Variants in WDR18 observed in about 807,000 individuals in gnomAD.
WDR18 encodes the protein WD repeat domain 18, also known as WD repeat-containing protein 18.
WDR18 carries 33 observed loss-of-function variants against 49.6 expected under a neutral mutation model. The observed-to-expected ratio is 0.67, with a 90% CI of 0.50 to 0.89. WDR18 has a LOEUF of 0.89. Among genes scored for constraint, WDR18 ranks in the 40% least tolerant of loss-of-function variants. The pLI is 0.00. For missense variants in WDR18, 653 were observed against 593.6 expected (o/e 1.10, Z -1.04); for synonymous variants, 315 against 263.6 (o/e 1.19, Z -1.89).
At chr19:989,703 C>A in intron 2 of WDR18, 59 bp from the exon 3 acceptor site, 3 of 1,600,420 alleles carry the variant, frequency 1.9e-6, no homozygotes, top group Admixed American at 1.7e-5. Flanking sequence ...GGGCTGCAGC[C>A]CCCCTTTCCT....
intron 4 of WDR18, 67 bp from the exon 5 acceptor site, chr19:990,785 C>A (rs1194052721): frequency 2.0e-6 from 3 of 1,527,844 alleles, no homozygotes; most frequent in Admixed American, 4.1e-5. Context: ...CCCTGGTGCC[C>A]CTGTTCCCAT....
intron 7 of WDR18, 53 bp downstream of exon 7, chr19:991,404 A>G: frequency 8.7e-7 from 1 of 1,153,820 alleles, no homozygotes; most frequent in Non-Finnish European, 1.1e-6. Context: ...AAAAGCCAGC[A>G]GGAGCTCCGG....
intron 4 of WDR18, 30 bp from the exon 5 acceptor site, chr19:990,822 C>A: frequency 6.4e-7 from 1 of 1,568,556 alleles, no homozygotes. Context: ...CCCTGCCGGG[C>A]CGAGCCCCAC....
At position 994,446 on chromosome 19, in the gene WDR18, C is replaced by G. The variant is rs2038605867; in HGVS notation, c.*102C>G. 4 of 1,469,110 alleles carry G rather than the reference C, an allele frequency of 2.7e-6. No homozygotes were observed. The East Asian group carries it at 1.0e-4, about 37-fold the overall frequency. The allele number at this position is 1,469,110 out of a possible 1,614,324, so 91.0% of individuals were successfully genotyped here. A position where few individuals can be genotyped will look rare whatever the true frequency, so the allele number is the denominator to read the frequency against. On this transcript the variant is annotated 3_prime_UTR_variant, in exon 10 of 10. Coordinates refer to ENST00000585809, the MANE Select transcript of WDR18 (RefSeq NM_024100.4). ...CCCACCAGCCCAGGCCTGGACTCTC[C>G]TCAGTTCTGTGTCGTGTTCGGGTTT...
At position 989,941 on chromosome 19, in the gene WDR18, C is replaced by T. The variant is rs143785092; in HGVS notation, c.455+46C>T. On this transcript the variant is annotated intron_variant, in intron 3 of 9. Coordinates refer to ENST00000585809, the MANE Select transcript of WDR18 (RefSeq NM_024100.4). ...GCCTGCACCTGGAACTGCACCCGGGCTCAGGCGGGGAGAGGAGGCGCCAAG... is the reference window on the plus strand; with the variant it reads ...GCCTGCACCTGGAACTGCACCCGGGTTCAGGCGGGGAGAGGAGGCGCCAAG... The T allele has an allele frequency of 4.8e-4, 740 of 1,551,754 alleles. 4 individuals are homozygous for T. The Middle Eastern group carries it at 7.4e-3, about 15-fold the overall frequency.
At chr19:983,285 G>A (rs2038436923), upstream of WDR18, among the ~76,000 whole-genome samples, 1 of 152,004 alleles carries the variant, frequency 6.6e-6, no homozygotes, top group African/African-American at 2.4e-5. Flanking sequence ...TATATATTTA[G>A]TATAAATAAA....
Position 991,944 on chromosome 19 carries a change from G to C in WDR18, c.932-11G>C. The C allele has an allele frequency of 5.1e-6, 8 of 1,562,940 alleles. No homozygotes were observed. The highest frequency in any genetic ancestry group is 6.0e-6 in the Non-Finnish European group (7 of 1,162,560). On this transcript the variant is annotated splice_polypyrimidine_tract_variant and intron_variant, in intron 7 of 9. Coordinates refer to ENST00000585809, the MANE Select transcript of WDR18 (RefSeq NM_024100.4). Reference sequence around the variant, plus strand: ...TGGGATGGGGCGGGGCCTGACCTCCGCGCCCCCCAGGCCCAGTCACCAATG... The same window carrying C: ...TGGGATGGGGCGGGGCCTGACCTCCCCGCCCCCCAGGCCCAGTCACCAATG...
chr19:990,394 T>G (rs2240148), intron 4 of WDR18, 30 bp downstream of exon 4: 49 of 1,500,120 alleles, frequency 3.3e-5, no homozygotes, highest in Middle Eastern at 1.7e-4. Context: ...CCACGGTCCA[T>G]GAGCGGAGCC....
chr19:992,267 G>A, intron 8 of WDR18, 146 bp downstream of exon 8: 1 of 1,018,442 alleles, frequency 9.8e-7, no homozygotes, highest in Non-Finnish European at 1.3e-6. Flanking sequence ...TGAGTGGGAT[G>A]GTGATGCTCG....
chr19:988,962 G>A (rs2038504819), intron 2 of WDR18, among the ~76,000 whole-genome samples: 1 of 147,740 alleles, frequency 6.8e-6, no homozygotes, highest in South Asian at 2.2e-4. Flanking sequence ...TGCTTTTGGG[G>A]GGAAACACGA....
intron 2 of WDR18, 50 bp downstream of exon 2, chr19:986,025 T>G: frequency 6.3e-7 from 1 of 1,577,920 alleles, no homozygotes; most frequent in Non-Finnish European, 8.7e-7. Flanking sequence ...TCAGCCCATC[T>G]GAGCTTTGCC....
At position 993,752 on chromosome 19, in the gene WDR18, A is replaced by C. The variant is rs1227385219; in HGVS notation, c.1099-268A>C. Among the ~76,000 whole-genome samples the C allele has an allele frequency of 4.6e-5, 7 of 152,218 alleles. No homozygotes were observed. In the South Asian group the frequency reaches 1.5e-3, roughly 32 times the overall value. On this transcript the variant is annotated intron_variant, in intron 8 of 9. Coordinates refer to ENST00000585809, the MANE Select transcript of WDR18 (RefSeq NM_024100.4). Reference sequence around the variant, plus strand: ...CCAGGCCCCTGTCTGTGGTGTGGCCATCTGCACCCCCATCCCCAGCCACAT... The same window carrying C: ...CCAGGCCCCTGTCTGTGGTGTGGCCCTCTGCACCCCCATCCCCAGCCACAT...
rs770145025 is a variant in WDR18, at chr19:991,947, C to A, written c.932-8C>A. On this transcript the variant is annotated splice_region_variant and splice_polypyrimidine_tract_variant and intron_variant, in intron 7 of 9. Coordinates refer to ENST00000585809, the MANE Select transcript of WDR18 (RefSeq NM_024100.4). Reference sequence around the variant, plus strand: ...GATGGGGCGGGGCCTGACCTCCGCGCCCCCCAGGCCCAGTCACCAATGCCG... The same window carrying A: ...GATGGGGCGGGGCCTGACCTCCGCGACCCCCAGGCCCAGTCACCAATGCCG... 7.7e-6 allele frequency: 12 copies of A among 1,567,322 alleles called. No homozygotes were observed. Among genetic ancestry groups the A allele is most frequent in the Non-Finnish European group, 1.0e-5 (12 of 1,164,276 alleles).
Position 984,368 on chromosome 19 carries a change from G to C in WDR18, c.15G>C (p.Met5Ile). The C allele has an allele frequency of 6.3e-7, 1 of 1,593,942 alleles. No homozygotes were observed. Among genetic ancestry groups the C allele is most frequent in the African/African-American group, 1.4e-5 (1 of 72,606 alleles). ...GGGAAGGCAAGATGGCGGCGCCCAT[G>C]GAGGTGGCCGTGTGTACGGACTCGG... MAAP[M>I]EVAVCTDSAA... The change falls in exon 1 of 10, where the codon ATG (methionine) becomes ATC (isoleucine). Residue 5 changes from methionine to isoleucine, a missense_variant. Coordinates refer to ENST00000585809, the MANE Select transcript of WDR18 (RefSeq NM_024100.4).
In WDR18 at chr19:990,236, G is replaced by A. The variant is rs757374909; in HGVS notation, c.469G>A (p.Asp157Asn). 5.6e-5 allele frequency: 90 copies of A among 1,597,798 alleles called. No homozygotes were observed. Among genetic ancestry groups the A allele is most frequent in the Non-Finnish European group, 7.3e-5 (86 of 1,179,036 alleles). Reference sequence around the variant, plus strand: ...CACCCCGCTCAGCGTGCTGCAGGCCGACCCCTCCAGGATTCCGGCGCCCAG... The same window carrying A: ...CACCCCGCTCAGCGTGCTGCAGGCCAACCCCTCCAGGATTCCGGCGCCCAG... ...VWSLCSVLQA[D>N]PSRIPAPRHV... The change falls in exon 4 of 10, where the codon GAC (aspartate) becomes AAC (asparagine). Residue 157 changes from aspartate to asparagine, a missense_variant. Asp to Asn is a conservative substitution (Grantham distance 23). Coordinates refer to ENST00000585809, the MANE Select transcript of WDR18 (RefSeq NM_024100.4).
intron 2 of WDR18, among the ~76,000 whole-genome samples, chr19:986,913 CAGTA>C (rs761218298): frequency 8.7e-4 from 132 of 152,208 alleles, no homozygotes; most frequent in Non-Finnish European, 2.8e-4. Flanking sequence ...GCAGGGCAGA[CAGTA>C]CAAGATCTGG....
chr19:984,803 A>G (rs1599443084), intron 1 of WDR18, among the ~76,000 whole-genome samples: 2 of 151,084 alleles, frequency 1.3e-5, no homozygotes, highest in East Asian at 3.9e-4. Context: ...GCAGTGGGGG[A>G]AAATGGGAGA....
chr19:987,267 C>T (rs1470344292), intron 2 of WDR18, among the ~76,000 whole-genome samples: 1 of 152,048 alleles, frequency 6.6e-6, no homozygotes, highest in African/African-American at 2.4e-5. Flanking sequence ...CACTTGAATC[C>T]GAGAGGCGGA....
chr19:984,681 T>G, intron 1 of WDR18, 118 bp downstream of exon 1: 1 of 1,066,806 alleles, frequency 9.4e-7, no homozygotes, highest in Non-Finnish European at 1.3e-6. Flanking sequence ...GGGGAGGTGG[T>G]CTCCGTTCGG....
Sources: gnomAD v4.1 joint callset for allele counts (sites outside exome capture counted in the v4.1 genomes callset) on GRCh38, gnomAD v4.1.1 for gene constraint, MANE v1.5 for transcripts, NCBI Gene and HGNC (gene_info 2026-07-23, HGNC 2026-07-21) for gene names.